MMS22L: variants seen among roughly 807,000 people sequenced by gnomAD.
MMS22L encodes protein MMS22-like.
MMS22L carries 74 observed loss-of-function variants against 159.1 expected under a neutral mutation model. That is an observed-to-expected ratio of 0.47 (90% CI 0.39 to 0.56). MMS22L has a LOEUF of 0.56. Among genes scored for constraint, MMS22L ranks in the 20% least tolerant of loss-of-function variants. MMS22L has a pLI of 0.00. For synonymous variants in MMS22L, 517 were observed against 506.9 expected (o/e 1.02, Z -0.27); for missense variants, 1,351 against 1,422.1 (o/e 0.95, Z 0.80).
At position 97,179,523 on chromosome 6, in the gene MMS22L, T is replaced by C. The variant is rs974286969; in HGVS notation, c.2421A>G (p.Val807=). The C allele has an allele frequency of 1.2e-6, 2 of 1,612,550 alleles. No individual in the cohort carries two copies. Among genetic ancestry groups the C allele is most frequent in the Non-Finnish European group, 1.7e-6 (2 of 1,179,310 alleles). ...ATCTTACGGTTAAGGCTTGAAAAGA[T>C]ACATAGCCTGAATGAGAAAGTGCTT... The part of the protein sequence containing the change: ...LCEALSHSGY[V]SFQALTVRSW... Residue 807 remains valine, a synonymous_variant, in exon 17 of 25, where the codon GTA becomes GTG. Transcript: ENST00000683635.
At position 97,145,122 on chromosome 6, in the gene MMS22L, ACTC is replaced by A. The variant is rs2128228749; in HGVS notation, c.*1681_*1683del. On this transcript the variant is annotated 3_prime_UTR_variant, in exon 25 of 25. Transcript: ENST00000683635. Reference sequence around the variant, plus strand: ...AAAGGCATCACCTTAAATAGATAAAACTCCTTAGTGACTGCTGGAACTTTCCAA... The same window carrying A: ...AAAGGCATCACCTTAAATAGATAAAACTTAGTGACTGCTGGAACTTTCCAA... 6.6e-6 allele frequency: 1 copy of A among 151,222 alleles called. No individual in the cohort carries two copies. Among genetic ancestry groups the A allele is most frequent in the South Asian group, 2.1e-4 (1 of 4,774 alleles). 9.4% of individuals were successfully genotyped at this position (151,222 alleles called of 1,614,324 possible). A position where few individuals can be genotyped will look rare whatever the true frequency, so the allele number is the denominator to read the frequency against.
At chr6:97,239,153 G>A (rs964234099) in intron 11 of MMS22L, among the ~76,000 whole-genome samples, 1 of 151,658 alleles carries the variant, frequency 6.6e-6, no homozygotes, top group African/African-American at 2.4e-5. Context: ...TTCTACTCAA[G>A]AAACACTGAT....
chr6:97,252,291 A>C (rs1813321993), intron 10 of MMS22L, among the ~76,000 whole-genome samples: 1 of 152,114 alleles, frequency 6.6e-6, no homozygotes. Flanking sequence ...CAGTTCCAAC[A>C]AGTTTTTAAT....
intron 14 of MMS22L, among the ~76,000 whole-genome samples, chr6:97,203,014 A>C (rs770470692): frequency 1.2e-4 from 19 of 152,174 alleles, no homozygotes; most frequent in Non-Finnish European, 5.9e-5. Flanking sequence ...GCTTTGTACA[A>C]AAAGGATATA....
intron 3 of MMS22L, 32 bp downstream of exon 3, chr6:97,281,205 T>C: frequency 6.3e-7 from 1 of 1,586,820 alleles, no homozygotes; most frequent in Non-Finnish European, 8.5e-7. Flanking sequence ...GAACAACACC[T>C]ACACTCACAG....
At chr6:97,251,532 C>T (rs1474816720) in intron 10 of MMS22L, among the ~76,000 whole-genome samples, 3 of 152,124 alleles carry the variant, frequency 2.0e-5, no homozygotes, top group Non-Finnish European at 4.4e-5. Flanking sequence ...GTTTATTTTA[C>T]ATGTGCATAT....
chr6:97,244,333 T>G (rs188211051), intron 11 of MMS22L, among the ~76,000 whole-genome samples: 32 of 152,336 alleles, frequency 2.1e-4, no homozygotes, highest in African/African-American at 7.5e-4. Context: ...CATGAGTTTA[T>G]GTTTTCTATC....
chr6:97,148,845 C>T (rs1801048396), intron 24 of MMS22L, among the ~76,000 whole-genome samples: 1 of 152,074 alleles, frequency 6.6e-6, no homozygotes, highest in African/African-American at 2.4e-5. Context: ...TCACATTTAT[C>T]ACCACTCACT....
chr6:97,272,514 GA>G (rs1815849644), intron 6 of MMS22L, 189 bp downstream of exon 6: 1 of 545,676 alleles, frequency 1.8e-6, no homozygotes, highest in African/African-American at 1.9e-5. Context: ...GAATTACACA[GA>G]TGTGGAGGCT....
chr6:97,253,459 ATT>A (rs11356068), intron 10 of MMS22L: 37,881 of 124,502 alleles, frequency 0.3, 5,968 homozygotes, highest in Non-Finnish European at 0.4. Context: ...AGGTATCTGG[ATT>A]TTTTTTTTTT....
rs145537587 is a variant in MMS22L, at chr6:97,271,496, T to C, written c.606+1208A>G. ...AAATATCCCTCCCTCAACAATCTAC[T>C]CATGAATCTTTTTATTAAATGACGT... is the stretch of plus-strand genomic sequence containing the variant. On this transcript the variant is annotated intron_variant, in intron 6 of 24. Transcript: ENST00000683635. 5.9e-3 allele frequency: 897 copies of C among 152,312 alleles called. 13 individuals are homozygous for C. The highest frequency in any genetic ancestry group is 0.02 in the African/African-American group (839 of 41,568). 9.4% of individuals were successfully genotyped at this position (152,312 alleles called of 1,614,324 possible).
intron 2 of MMS22L, 32 bp downstream of exon 2, chr6:97,282,282 G>A (rs761745366): frequency 1.2e-6 from 2 of 1,606,058 alleles, no homozygotes; most frequent in Admixed American, 1.7e-5. Flanking sequence ...TGAATAATCA[G>A]ATGAGGGAAA....
chr6:97,188,332 A>T (rs934959759), intron 14 of MMS22L, among the ~76,000 whole-genome samples: 2 of 152,200 alleles, frequency 1.3e-5, no homozygotes, highest in Non-Finnish European at 2.9e-5. Context: ...CACCATATCT[A>T]AAAAAGCCAT....
At chr6:97,156,247 C>T (rs1801827722) in intron 22 of MMS22L, among the ~76,000 whole-genome samples, 1 of 152,006 alleles carries the variant, frequency 6.6e-6, no homozygotes, top group African/African-American at 2.4e-5. Flanking sequence ...AGATGGATTG[C>T]AAAAATTTTC....
At chr6:97,276,174 C>T (rs1816226133) in intron 4 of MMS22L, among the ~76,000 whole-genome samples, 1 of 152,182 alleles carries the variant, frequency 6.6e-6, no homozygotes, top group African/African-American at 2.4e-5. Flanking sequence ...CTTGGCACAG[C>T]TGAGGTCCAA....
At chr6:97,241,288 T>C (rs1028804243) in intron 11 of MMS22L, among the ~76,000 whole-genome samples, 2 of 152,234 alleles carry the variant, frequency 1.3e-5, no homozygotes, top group Non-Finnish European at 2.9e-5. Context: ...AAGTGTTTCA[T>C]AATGCTTCTT....
At chr6:97,282,827 G>A (rs1319980493) in intron 1 of MMS22L, among the ~76,000 whole-genome samples, 2 of 152,058 alleles carry the variant, frequency 1.3e-5, no homozygotes, top group South Asian at 2.1e-4. Flanking sequence ...ATAGCGTCCC[G>A]GGCTTGCCTA....
chr6:97,242,835 A>C (rs1298314606), intron 11 of MMS22L, among the ~76,000 whole-genome samples: 5 of 152,178 alleles, frequency 3.3e-5, no homozygotes, highest in Admixed American at 6.5e-5. Flanking sequence ...TCCTTCATTT[A>C]TGAAGCTTAG....
At chr6:97,166,070 G>A (rs1181669142) in intron 20 of MMS22L, among the ~76,000 whole-genome samples, 1 of 151,994 alleles carries the variant, frequency 6.6e-6, no homozygotes, top group Non-Finnish European at 1.5e-5. Context: ...TTACAGCTAG[G>A]ATAACTAAGG....
Sources: gnomAD v4.1 joint callset for allele counts (sites outside exome capture counted in the v4.1 genomes callset) on GRCh38, gnomAD v4.1.1 for gene constraint, MANE v1.5 for transcripts, NCBI Gene and HGNC (gene_info 2026-07-23, HGNC 2026-07-21) for gene names.